Variants in HAUS8 observed in about 807,000 individuals in gnomAD.
The protein encoded by HAUS8 is HAUS augmin-like complex subunit 8.
A neutral mutation model predicts 42.9 loss-of-function variants in HAUS8; 38 were observed. The ratio of observed to expected loss-of-function variants is 0.89; its 90% CI spans 0.68 to 1.16. HAUS8 has a LOEUF of 1.16. Ranked by LOEUF, HAUS8 falls within the 50% of genes most tolerant of loss-of-function variation. The probability of loss-of-function intolerance (pLI) is 0.00; values close to 1 mark genes in which losing one functional copy is unlikely to be tolerated. For missense variants in HAUS8, 494 were observed against 511.6 expected (o/e 0.97, Z 0.33); for synonymous variants, 199 against 205.8 (o/e 0.97, Z 0.28).
intron 9 of HAUS8, chr19:17,055,137 AAAAAAAATATATATATATATATATATAT>A (rs2057314036): frequency 3.0e-5 from 1 of 33,324 alleles, no homozygotes; most frequent in Non-Finnish European, 5.1e-5. Context: ...AAAAAAAAAA[AAAAAAAATATATATATATATATATATAT>A]ATATATATAT....
In HAUS8 at chr19:17,059,557, C is replaced by A; in HGVS notation, c.420G>T (p.Pro140=). The A allele has an allele frequency of 6.2e-7, 1 of 1,608,844 alleles. No individual in the cohort carries two copies. Among genetic ancestry groups the A allele is most frequent in the Non-Finnish European group, 8.5e-7 (1 of 1,175,470 alleles). ...TSFSAPRKKS[P]DLSEAMEMME... ...CTGCCCTCTTCTTTCAGACACTTAC[C>A]GGGCTCTTTTTCCGAGGGGCAGAAA... Residue 140 remains proline (P), a splice_region_variant and synonymous_variant, in exon 6 of 11, where the codon CCG becomes CCT. Transcript: ENST00000253669.
chr19:17,070,387 G>A (rs1267467766), intron 2 of HAUS8, among the ~76,000 whole-genome samples: 2 of 152,170 alleles, frequency 1.3e-5, no homozygotes, highest in African/African-American at 4.8e-5. Context: ...ACAGGCTGGC[G>A]TGCTGGGTCC....
intron 10 of HAUS8, among the ~76,000 whole-genome samples, chr19:17,051,513 A>G (rs2057287170): frequency 1.3e-5 from 2 of 152,004 alleles, no homozygotes; most frequent in South Asian, 4.2e-4. Context: ...TCAGAAGTTC[A>G]AAAAACATCC....
chr19:17,069,977 C>T (rs1022255309), intron 2 of HAUS8, among the ~76,000 whole-genome samples: 4 of 152,070 alleles, frequency 2.6e-5, no homozygotes, highest in Non-Finnish European at 5.9e-5. Context: ...AAAGCCCAGC[C>T]CTCACTTCCA....
At chr19:17,058,259 GCACGTCATCCTGTTGCTGCT>G (rs1292795247) in intron 8 of HAUS8, among the ~76,000 whole-genome samples, 5 of 152,234 alleles carry the variant, frequency 3.3e-5, no homozygotes. Context: ...GAGTCCCAGA[GCACGTCATCCTGTTGCTGCT>G]CACGATCATC....
rs1221892634 is a variant in HAUS8, at chr19:17,049,975, G to T, written c.1131C>A (p.Ala377=). ...SEDDNPGASS[A]PAQATFISPS... The stretch of plus-strand genomic sequence containing the variant: ...GGCTGATGAACGTGGCCTGAGCGGG[G>T]GCTGACGAGGCACCCGGGTTGTCGT... Residue 377 remains alanine, a synonymous_variant, in exon 11 of 11, where the codon GCC becomes GCA. Transcript: ENST00000253669. 6.3e-7 allele frequency: 1 copy of T among 1,599,754 alleles called. No individual in the cohort carries two copies. The highest frequency in any genetic ancestry group is 1.7e-5 in the Admixed American group (1 of 57,218).
chr19:17,072,112 A>G (rs1319352291), intron 2 of HAUS8, among the ~76,000 whole-genome samples: 1 of 152,248 alleles, frequency 6.6e-6, no homozygotes, highest in Non-Finnish European at 1.5e-5. Context: ...TGCGAGATTA[A>G]CATGCGATGT....
chr19:17,069,017 G>A lies in HAUS8; in HGVS notation c.147+14C>T. ...CTCAGAACTGCTGCAAATGGAAGCTGGGTGCGGCCTTACCTTTTGGGTTGT... is the reference window on the plus strand; with the variant it reads ...CTCAGAACTGCTGCAAATGGAAGCTAGGTGCGGCCTTACCTTTTGGGTTGT... On this transcript the variant is annotated intron_variant, in intron 3 of 10. Coordinates refer to ENST00000253669, the MANE Select transcript of HAUS8 (RefSeq NM_033417.2). 6.2e-7 allele frequency: 1 copy of A among 1,610,686 alleles called. No homozygotes were observed. The highest frequency in any genetic ancestry group is 1.3e-5 in the African/African-American group (1 of 74,972).
At chr19:17,054,630 T>C (rs55842354) in intron 9 of HAUS8, among the ~76,000 whole-genome samples, 114,376 of 151,816 alleles carry the variant, frequency 0.75, 43,533 homozygotes, top group African/African-American at 0.84. Context: ...GGAGAAACCC[T>C]GTCTCTACTA....
At chr19:17,056,844 GC>G (rs1201930901) in intron 8 of HAUS8, among the ~76,000 whole-genome samples, 1 of 151,964 alleles carries the variant, frequency 6.6e-6, no homozygotes, top group Admixed American at 6.6e-5. Flanking sequence ...GCCCACCTCA[GC>G]CTCCCAAAGT....
At position 17,061,673 on chromosome 19, in the gene HAUS8, T is replaced by A. The variant is rs80103613; in HGVS notation, c.229+1025A>T. Among the ~76,000 whole-genome samples the A allele has an allele frequency of 7.4e-3, 1,128 of 152,292 alleles. 6 individuals carry two copies. Among genetic ancestry groups the A allele is most frequent in the African/African-American group, 0.025 (1,047 of 41,558 alleles). Reference sequence around the variant, plus strand: ...GTGGGGGTGTCCTGTGCATTCAGGATGTTAAGTGGCCTCCCTGGCCTCCAC... The same window carrying A: ...GTGGGGGTGTCCTGTGCATTCAGGAAGTTAAGTGGCCTCCCTGGCCTCCAC... On this transcript the variant is annotated intron_variant, in intron 4 of 10. Coordinates refer to ENST00000253669, the MANE Select transcript of HAUS8 (RefSeq NM_033417.2).
At chr19:17,068,026 T>C (rs1050407514) in intron 3 of HAUS8, among the ~76,000 whole-genome samples, 21 of 151,728 alleles carry the variant, frequency 1.4e-4, no homozygotes, top group Admixed American at 7.9e-4. Flanking sequence ...AAACTCTTAC[T>C]CCAATTCGGA....
At chr19:17,060,140 TC>T (rs1400182073) in intron 4 of HAUS8, 48 bp from the exon 5 acceptor site, 2 of 1,324,410 alleles carry the variant, frequency 1.5e-6, no homozygotes, top group Non-Finnish European at 2.2e-6. Context: ...AGAGACACTC[TC>T]CATTCAAGCC....
chr19:17,064,668 A>G (rs1238417739), intron 3 of HAUS8, among the ~76,000 whole-genome samples: 3 of 152,264 alleles, frequency 2.0e-5, no homozygotes, highest in African/African-American at 4.8e-5. Flanking sequence ...ACACCCATAC[A>G]TGAAAAAACG....
At chr19:17,059,706 G>T in intron 5 of HAUS8, 55 bp from the exon 6 acceptor site, 1 of 1,247,364 alleles carries the variant, frequency 8.0e-7, no homozygotes, top group Non-Finnish European at 1.2e-6. Flanking sequence ...ACTGGTCCCT[G>T]GTTGCCATTT....
intron 10 of HAUS8, chr19:17,052,399 A>C (rs2057292997): frequency 5.9e-6 from 1 of 169,162 alleles, no homozygotes; most frequent in Non-Finnish European, 1.3e-5. Flanking sequence ...CATTAGCTCA[A>C]AAATGACTGA....
intron 10 of HAUS8, among the ~76,000 whole-genome samples, chr19:17,050,893 G>A (rs1036003209): frequency 4.6e-5 from 7 of 150,866 alleles, no homozygotes; most frequent in Non-Finnish European, 1.0e-4. Context: ...GTGAGACTCC[G>A]TCTCAAAAAA....
chr19:17,050,830 G>C (rs1442453378), intron 10 of HAUS8, among the ~76,000 whole-genome samples: 1 of 151,920 alleles, frequency 6.6e-6, no homozygotes, highest in African/African-American at 2.4e-5. Context: ...CAGGAGACAG[G>C]GTCTATAGTG....
intron 6 of HAUS8, among the ~76,000 whole-genome samples, chr19:17,059,355 T>C (rs760309946): frequency 6.6e-6 from 1 of 152,224 alleles, no homozygotes; most frequent in Admixed American, 6.5e-5. Flanking sequence ...TCCATATTGG[T>C]ATCCACTACT....
Sources: gnomAD v4.1 joint callset for allele counts (sites outside exome capture counted in the v4.1 genomes callset) on GRCh38, gnomAD v4.1.1 for gene constraint, MANE v1.5 for transcripts, NCBI Gene and HGNC (gene_info 2026-07-23, HGNC 2026-07-21) for gene names.